Variants in FUT8 observed in about 807,000 individuals in gnomAD.
FUT8 encodes the protein alpha-(1,6)-fucosyltransferase.
FUT8 carries 29 observed loss-of-function variants against 71.3 expected under a neutral mutation model. The ratio of observed to expected loss-of-function variants is 0.41; its 90% CI spans 0.30 to 0.55. The LOEUF (loss-of-function observed/expected upper bound fraction) is 0.55. Ranked by LOEUF, FUT8 falls within the 20% of genes least tolerant of loss-of-function variation. The pLI, the probability that FUT8 is intolerant of heterozygous loss-of-function variation, is 0.34. For missense variants in FUT8, 544 were observed against 702.1 expected (o/e 0.77, Z 2.55); for synonymous variants, 254 against 239.3 (o/e 1.06, Z -0.57).
chr14:65,499,478 A>T (rs1250065066), intron 2 of FUT8, among the ~76,000 whole-genome samples: 1 of 152,076 alleles, frequency 6.6e-6, no homozygotes, highest in Non-Finnish European at 1.5e-5. Flanking sequence ...AATTATTAAT[A>T]AATATCTACT....
intron 2 of FUT8, among the ~76,000 whole-genome samples, chr14:65,519,099 C>T (rs528261263): frequency 1.3e-4 from 19 of 151,964 alleles, no homozygotes; most frequent in South Asian, 6.2e-4. Flanking sequence ...ATGTAATAGG[C>T]GCTTAAAAAT....
intron 6 of FUT8, among the ~76,000 whole-genome samples, chr14:65,650,463 A>G (rs1347471672): frequency 6.6e-6 from 1 of 151,982 alleles, no homozygotes; most frequent in East Asian, 1.9e-4. Context: ...GAGATGTCTT[A>G]CATGGTGGAG....
At chr14:65,693,540 G>T (rs887888773) in intron 7 of FUT8, among the ~76,000 whole-genome samples, 11 of 152,178 alleles carry the variant, frequency 7.2e-5, no homozygotes, top group African/African-American at 2.4e-4. Flanking sequence ...GGGAGAGGGA[G>T]AGAGGGAGGG....
chr14:65,377,372 A>C, the FUT8 span, among the ~76,000 whole-genome samples: 1 of 152,226 alleles, frequency 6.6e-6, no homozygotes, highest in Non-Finnish European at 1.5e-5. Flanking sequence ...AGTGATTAAC[A>C]AATGTGATAT....
chr14:65,627,103 C>T lies in FUT8; in HGVS notation c.483-2389C>T, dbSNP rs1215341812. On this transcript the variant is annotated intron_variant, in intron 5 of 10. Coordinates refer to ENST00000673929, the MANE Select transcript of FUT8 (RefSeq NM_001371533.1). The surrounding 1 kb of genome is among the most constrained non-coding windows in gnomAD (Gnocchi z 4.0). ...TCTGTGACATGCACTGTTCCACATG[C>T]TGATTTTAAATAACAAAAAACAAAA... 6.6e-6 allele frequency among the ~76,000 whole-genome samples: 1 copy of T among 151,960 alleles called. No individual in the cohort carries two copies. The highest frequency in any genetic ancestry group is 1.9e-4 in the East Asian group (1 of 5,188).
chr14:65,633,004 T>TCCCCCCCCCCC (rs376298224), intron 6 of FUT8, among the ~76,000 whole-genome samples: 1 of 78,020 alleles, frequency 1.3e-5, no homozygotes, highest in Non-Finnish European at 2.6e-5. Context: ...CCCTCTCCCC[T>TCCCCCCCCCCC]CCCCCCCCCC....
chr14:65,576,964 A>G (rs1886822170), intron 3 of FUT8, among the ~76,000 whole-genome samples: 1 of 151,530 alleles, frequency 6.6e-6, no homozygotes, highest in South Asian at 2.1e-4. Context: ...AGGCCTCCCA[A>G]AGTGCTGGGA....
At chr14:65,463,308 C>T (rs1183671312) in intron 2 of FUT8, among the ~76,000 whole-genome samples, 5 of 152,004 alleles carry the variant, frequency 3.3e-5, no homozygotes, top group Admixed American at 3.3e-4. Flanking sequence ...ACTCTATTGC[C>T]CAGGCTGGAG....
chr14:65,576,783 G>A (rs1043753222), intron 3 of FUT8, among the ~76,000 whole-genome samples: 1 of 132,406 alleles, frequency 7.6e-6, no homozygotes, highest in Non-Finnish European at 1.6e-5. Context: ...GTAATGGCGC[G>A]ATCTCAGCTC....
chr14:65,661,879 T>A (rs1891984430), intron 6 of FUT8, among the ~76,000 whole-genome samples: 1 of 152,224 alleles, frequency 6.6e-6, no homozygotes, highest in Non-Finnish European at 1.5e-5. Context: ...ATTTTTATAT[T>A]TTAACCTAAG....
At position 65,574,513 on chromosome 14, in the gene FUT8, A is replaced by G. The variant is rs1163248058; in HGVS notation, c.203+12747A>G. ...TGTGTACCAACACTTTACATAAATT[A>G]TCTTATTCAGAAGTTAAGTGATTTG... On this transcript the variant is annotated intron_variant, in intron 3 of 10. Coordinates refer to ENST00000673929, the MANE Select transcript of FUT8 (RefSeq NM_001371533.1). This position sits in a 1 kb window ranked among gnomAD's most constrained non-coding sequence, Gnocchi z 5.2. 6.6e-6 allele frequency among the ~76,000 whole-genome samples: 1 copy of G among 152,172 alleles called. No individual in the cohort carries two copies. Among genetic ancestry groups the G allele is most frequent in the Non-Finnish European group, 1.5e-5 (1 of 68,036 alleles).
At chr14:65,376,082 C>T in the FUT8 span, among the ~76,000 whole-genome samples, 4 of 150,576 alleles carry the variant, frequency 2.7e-5, no homozygotes. Flanking sequence ...CAGAGTGAGA[C>T]CCTGTCTCAA....
At chr14:65,361,795 C>CAAATAAAT in the FUT8 span, among the ~76,000 whole-genome samples, 1 of 123,434 alleles carries the variant, frequency 8.1e-6, no homozygotes, top group Non-Finnish European at 1.9e-5. Flanking sequence ...TCAAAGAAAA[C>CAAATAAAT]AAACAAACAA....
intron 6 of FUT8, among the ~76,000 whole-genome samples, chr14:65,634,555 A>G (rs552633704): frequency 2.3e-4 from 27 of 117,180 alleles, no homozygotes; most frequent in Admixed American, 2.7e-4. Flanking sequence ...CCCAAGAATG[A>G]TCAATTAAAA....
chr14:65,554,128 T>C (rs1028380350), intron 2 of FUT8, among the ~76,000 whole-genome samples: 1 of 152,078 alleles, frequency 6.6e-6, no homozygotes, highest in African/African-American at 2.4e-5. Context: ...TGCGTTTCAT[T>C]TTGAATAATA....
chr14:65,657,909 T>G (rs1891763789), intron 6 of FUT8, among the ~76,000 whole-genome samples: 1 of 152,086 alleles, frequency 6.6e-6, no homozygotes, highest in African/African-American at 2.4e-5. Flanking sequence ...AAATACCTTA[T>G]GTACCCCATA....
intron 5 of FUT8, chr14:65,617,088 A>C: frequency 5.0e-6 from 8 of 1,592,960 alleles, no homozygotes; most frequent in Non-Finnish European, 6.0e-6. Context: ...TGTTTCCAGT[A>C]GGATTCTGAT....
Position 65,627,516 on chromosome 14 carries a change from A to G in FUT8, c.483-1976A>G, listed in dbSNP as rs1030910267. On this transcript the variant is annotated intron_variant, in intron 5 of 10. Coordinates refer to ENST00000673929, the MANE Select transcript of FUT8 (RefSeq NM_001371533.1). This position sits in a 1 kb window ranked among gnomAD's most constrained non-coding sequence, Gnocchi z 4.0. ...TTGACTTGGGCCTGTATATATTGCT[A>G]TGGTTCCGGGGTTTGCATTTCTTCT... Among the ~76,000 whole-genome samples the G allele has an allele frequency of 2.0e-5, 3 of 152,202 alleles. No individual in the cohort carries two copies. Among genetic ancestry groups the G allele is most frequent in the Non-Finnish European group, 4.4e-5 (3 of 68,030 alleles).
chr14:65,688,394 T>A (rs1037346683), intron 7 of FUT8, among the ~76,000 whole-genome samples: 1 of 152,052 alleles, frequency 6.6e-6, no homozygotes, highest in Non-Finnish European at 1.5e-5. Context: ...TTCCTACATG[T>A]CTTTTTTGTA....
Sources: gnomAD v4.1 joint callset for allele counts (sites outside exome capture counted in the v4.1 genomes callset) on GRCh38, gnomAD v4.1.1 for gene constraint, Gnocchi (gnomAD v3.1) non-coding constraint, MANE v1.5 for transcripts, NCBI Gene and HGNC (gene_info 2026-07-23, HGNC 2026-07-21) for gene names.